Variants in VPS13A observed in about 807,000 individuals in gnomAD.
VPS13A encodes the protein intermembrane lipid transfer protein VPS13A.
A neutral mutation model predicts 390.9 loss-of-function variants in VPS13A; 264 were observed. The observed-to-expected ratio is 0.68, with a 90% CI of 0.61 to 0.75. The LOEUF is 0.75. VPS13A is among the 30% of genes least tolerant of loss of function. The probability of loss-of-function intolerance (pLI) is 0.00; values close to 1 mark genes in which losing one functional copy is unlikely to be tolerated. For missense variants in VPS13A, 3,409 were observed against 3,733.9 expected, an observed-to-expected ratio of 0.91 and a Z score of 2.27; for synonymous variants, 1,231 against 1,227.1, an observed-to-expected ratio of 1.00 and a Z score of -0.07.
At chr9:77,282,813 T>G (rs955307) in intron 29 of VPS13A, among the ~76,000 whole-genome samples, 12,325 of 152,062 alleles carry the variant, frequency 0.081, 623 homozygotes, top group East Asian at 0.13. Flanking sequence ...TTGGGCATGG[T>G]GGTGTTTGTC....
intron 53 of VPS13A, among the ~76,000 whole-genome samples, chr9:77,353,132 G>A (rs982080148): frequency 6.6e-5 from 10 of 152,176 alleles, no homozygotes; most frequent in African/African-American, 1.9e-4. Flanking sequence ...ATTAGCCTAC[G>A]TGGGAAGGTT....
At chr9:77,307,682 A>G (rs1340708706) in intron 34 of VPS13A, among the ~76,000 whole-genome samples, 2 of 152,222 alleles carry the variant, frequency 1.3e-5, no homozygotes, top group Non-Finnish European at 2.9e-5. Context: ...TAAAATTACT[A>G]TATTATTTGG....
At position 77,370,464 on chromosome 9, in the gene VPS13A, G is replaced by A. The variant is rs1207246802; in HGVS notation, c.8793G>A (p.Gly2931=). ...AAATCACCGGTGCTATGGCTAAGGG[G>A]GTAGCAGCTATGACCATGGATGAAG... ...ASKITGAMAK[G]VAAMTMDEDY... The change falls in exon 65 of 72, where the codon GGG becomes GGA. Residue 2931 remains glycine (G), a synonymous_variant. Transcript: ENST00000360280. 6.2e-7 allele frequency: 1 copy of A among 1,614,110 alleles called. No individual in the cohort carries two copies.
intron 41 of VPS13A, 127 bp downstream of exon 41, chr9:77,318,718 G>T: frequency 3.0e-6 from 3 of 992,698 alleles, no homozygotes; most frequent in Admixed American, 2.5e-5. Context: ...TATGATATTG[G>T]GTCAAAAACT....
rs1166280034 is a variant in VPS13A, at chr9:77,419,206, G to GT, written c.*3201dup. On this transcript the variant is annotated 3_prime_UTR_variant, in exon 72 of 72. Coordinates refer to ENST00000360280, the MANE Select transcript of VPS13A (RefSeq NM_033305.3). ...CTCAGGGATGCTGTTTTTCCACACT[G>GT]TAAGTCCTAACTCATTAGTGGGTCA... The GT allele has an allele frequency of 6.6e-6, 1 of 152,102 alleles. No homozygotes were observed. The highest frequency in any genetic ancestry group is 1.5e-5 in the Non-Finnish European group (1 of 68,036). The allele number at this position is 152,102 out of a possible 1,614,324, so 9.4% of individuals were successfully genotyped here.
intron 44 of VPS13A, 91 bp downstream of exon 44, chr9:77,321,837 G>GT (rs905149865): frequency 4.3e-5 from 64 of 1,474,198 alleles, no homozygotes; most frequent in Admixed American, 1.3e-4. Context: ...TCTTAGCAAG[G>GT]TTTTTTTTGT....
intron 5 of VPS13A, among the ~76,000 whole-genome samples, chr9:77,207,255 A>ATATATATG (rs1825730752): frequency 7.6e-6 from 1 of 131,452 alleles, no homozygotes. Context: ...ATATATATAA[A>ATATATATG]ACGTGTTATA....
At chr9:77,327,308 G>C (rs1830063821) in intron 45 of VPS13A, among the ~76,000 whole-genome samples, 1 of 152,030 alleles carries the variant, frequency 6.6e-6, no homozygotes, top group South Asian at 2.1e-4. Context: ...TATTTTAAAA[G>C]GTGACTAACA....
chr9:77,198,707 A>G (rs1000202061), intron 1 of VPS13A, among the ~76,000 whole-genome samples: 17 of 152,124 alleles, frequency 1.1e-4, no homozygotes, highest in African/African-American at 3.9e-4. Context: ...TCTGTTGCCC[A>G]GGCTGGAGTG....
At chr9:77,316,642 T>G (rs185478460) in intron 39 of VPS13A, among the ~76,000 whole-genome samples, 57 of 152,198 alleles carry the variant, frequency 3.7e-4, no homozygotes, top group African/African-American at 1.3e-3. Flanking sequence ...AGAAGTTGGG[T>G]TCATCTTGAC....
chr9:77,294,639 T>G (rs564283092), intron 32 of VPS13A, among the ~76,000 whole-genome samples: 19 of 152,344 alleles, frequency 1.2e-4, no homozygotes, highest in Non-Finnish European at 2.6e-4. Flanking sequence ...TGTGATCTTT[T>G]AAGCCATAAC....
rs1312425146 is a variant in VPS13A at position 77,205,311 on chromosome 9, A to G, written c.188-2A>G. 6 of 1,452,274 alleles carry G rather than the reference A, an allele frequency of 4.1e-6. No individual in the cohort carries two copies. Among genetic ancestry groups the G allele is most frequent in the Non-Finnish European group, 5.6e-6 (6 of 1,071,008 alleles). The allele number at this position is 1,452,274 out of a possible 1,614,324, so 90.0% of individuals were successfully genotyped here. ...CTTTTTTTTTTTCCCAAAAAAATGT[A>G]GGTAATCTTAAACTTATAATTCCAT... On this transcript the variant is annotated splice_acceptor_variant, in intron 3 of 71. Coordinates refer to ENST00000360280, the MANE Select transcript of VPS13A (RefSeq NM_033305.3). LOFTEE classifies it high-confidence loss of function.
intron 68 of VPS13A, among the ~76,000 whole-genome samples, chr9:77,385,981 A>G (rs75305581): frequency 0.02 from 3,094 of 152,308 alleles, 61 homozygotes; most frequent in Middle Eastern, 0.095. Flanking sequence ...AATTAAATAG[A>G]AATCAAGGTT....
At chr9:77,415,396 TA>T (rs1445848834) in intron 71 of VPS13A, among the ~76,000 whole-genome samples, 1 of 152,230 alleles carries the variant, frequency 6.6e-6, no homozygotes, top group African/African-American at 2.4e-5. Context: ...TATATTAGAA[TA>T]AGCCCTGTAT....
intron 10 of VPS13A, among the ~76,000 whole-genome samples, chr9:77,217,783 CT>C (rs546757591): frequency 6.7e-4 from 93 of 138,402 alleles, no homozygotes; most frequent in Admixed American, 8.7e-4. Context: ...CTTTTTTTTT[CT>C]TTTTTTTTTT....
chr9:77,330,029 T>C lies in VPS13A; in HGVS notation c.5992-1981T>C, dbSNP rs916650310. ...CGCTTCTGTTTCTTTCTTACCTTTG[T>C]AGTTTTTGAGACACAGGGTCTTGCT... On this transcript the variant is annotated intron_variant, in intron 45 of 71. Transcript: ENST00000360280. Among the ~76,000 whole-genome samples the C allele has an allele frequency of 3.9e-5, 6 of 152,272 alleles. No individual in the cohort carries two copies. In the South Asian group the frequency reaches 1.2e-3, roughly 32 times the overall value.
intron 52 of VPS13A, 131 bp downstream of exon 52, chr9:77,345,273 T>G: frequency 1.9e-6 from 2 of 1,027,912 alleles, no homozygotes; most frequent in Admixed American, 2.2e-5. Context: ...AGTGTTCCAT[T>G]AAAAAATGTA....
chr9:77,314,343 G>A (rs1337533191), intron 36 of VPS13A, 152 bp from the exon 37 acceptor site: 5 of 893,824 alleles, frequency 5.6e-6, no homozygotes, highest in Non-Finnish European at 8.4e-6. Context: ...AAAGTGATAT[G>A]TATATATTTT....
chr9:77,318,420 A>T lies in VPS13A; in HGVS notation c.5142A>T (p.Glu1714Asp). The T allele has an allele frequency of 1.9e-6, 3 of 1,613,878 alleles. No homozygotes were observed. Among genetic ancestry groups the T allele is most frequent in the Non-Finnish European group, 2.5e-6 (3 of 1,179,884 alleles). Reference sequence around the variant, plus strand: ...CTGAAAAAATAGCTCCCACAACTGAATTGGTACCCAAAGGCGAGATGATAA... The same window carrying T: ...CTGAAAAAATAGCTCCCACAACTGATTTGGTACCCAAAGGCGAGATGATAA... ...NETEKIAPTT[E>D]LVPKGEMIKM... Residue 1714 changes from glutamate to aspartate, a missense_variant, in exon 41 of 72, where the codon GAA becomes GAT. Physicochemically the swap from Glu to Asp is conservative, Grantham distance 45. Transcript: ENST00000360280.
Sources: allele counts gnomAD v4.1 joint callset (sites outside exome capture counted in the v4.1 genomes callset), GRCh38; gene constraint gnomAD v4.1.1; transcripts MANE v1.5; gene names NCBI Gene and HGNC (gene_info 2026-07-23, HGNC 2026-07-21).